NAA25: variants seen among roughly 807,000 people sequenced by gnomAD.
NAA25 encodes the protein N-alpha-acetyltransferase 25, NatB auxiliary subunit, also known as N-terminal acetyltransferase B complex subunit NAA25.
A neutral mutation model predicts 132.5 loss-of-function variants in NAA25; 30 were observed. The observed-to-expected ratio is 0.23, with a 90% CI of 0.17 to 0.31. NAA25 has a LOEUF of 0.31. Among genes scored for constraint, NAA25 ranks in the 10% least tolerant of loss-of-function variants. The probability of loss-of-function intolerance (pLI) is 1.00; values close to 1 mark genes in which losing one functional copy is unlikely to be tolerated. For missense variants in NAA25, 771 were observed against 1,150.4 expected, an observed-to-expected ratio of 0.67 and a Z score of 4.77; for synonymous variants, 359 against 401.9, an observed-to-expected ratio of 0.89 and a Z score of 1.28.
At chr12:112,064,968 A>C (rs959293828) in intron 11 of NAA25, among the ~76,000 whole-genome samples, 2 of 152,184 alleles carry the variant, frequency 1.3e-5, no homozygotes, top group African/African-American at 4.8e-5. Flanking sequence ...CAGGAGGTGG[A>C]GGTTGCAGTG....
chr12:112,105,323 G>A (rs906565908), intron 1 of NAA25, among the ~76,000 whole-genome samples: 4 of 152,104 alleles, frequency 2.6e-5, no homozygotes, highest in African/African-American at 9.7e-5. Flanking sequence ...AATAACGAAA[G>A]AAGGCACTGG....
chr12:112,059,265 T>C (rs1201344606), intron 13 of NAA25, among the ~76,000 whole-genome samples: 1 of 151,862 alleles, frequency 6.6e-6, no homozygotes, highest in Admixed American at 6.6e-5. Context: ...AGAACAAGAC[T>C]CCATCTCAAA....
chr12:112,100,660 C>T (rs564997954), intron 1 of NAA25, among the ~76,000 whole-genome samples: 46 of 125,128 alleles, frequency 3.7e-4, no homozygotes, highest in African/African-American at 1.4e-3. Context: ...TGCTCTGTTG[C>T]CCAGGCTGGA....
rs570861253 is a variant in NAA25, at chr12:112,086,802, G to A, written c.402+881C>T. On this transcript the variant is annotated intron_variant, in intron 4 of 23. Transcript: ENST00000261745. ...CGAGGCGGGCAGATCACCTGAGGTCGGGAGTTTGAGACCAGCCTGACCAAC... is the reference window on the plus strand; with the variant it reads ...CGAGGCGGGCAGATCACCTGAGGTCAGGAGTTTGAGACCAGCCTGACCAAC... Among the ~76,000 whole-genome samples the A allele has an allele frequency of 1.3e-4, 19 of 151,582 alleles. No homozygotes were observed. The East Asian group carries it at 1.6e-3, about 12-fold the overall frequency.
intron 10 of NAA25, among the ~76,000 whole-genome samples, chr12:112,070,190 GC>G (rs1263624004): frequency 6.6e-6 from 1 of 152,100 alleles, no homozygotes; most frequent in African/African-American, 2.4e-5. Flanking sequence ...AAGAATTACT[GC>G]TTTCTTTTAG....
intron 9 of NAA25, among the ~76,000 whole-genome samples, chr12:112,074,249 G>A (rs554918338): frequency 2.0e-5 from 3 of 148,108 alleles, no homozygotes; most frequent in Admixed American, 7.0e-5. Context: ...GCTGAGGCAG[G>A]AGAATCGCTT....
At chr12:112,043,012 TGA>T (rs1173349148) in intron 19 of NAA25, 74 bp downstream of exon 19, 2 of 1,412,168 alleles carry the variant, frequency 1.4e-6, no homozygotes, top group Admixed American at 2.3e-5. Flanking sequence ...TTTCCAGATG[TGA>T]GGTTATAGAC....
chr12:112,048,510 C>T, intron 15 of NAA25, 67 bp from the exon 16 acceptor site: 1 of 1,392,424 alleles, frequency 7.2e-7, no homozygotes, highest in Non-Finnish European at 1.0e-6. Flanking sequence ...CAAACCTTGC[C>T]AGCCAAAACA....
chr12:112,098,610 C>A (rs1566035529), intron 1 of NAA25, among the ~76,000 whole-genome samples: 3 of 152,084 alleles, frequency 2.0e-5, no homozygotes, highest in Non-Finnish European at 1.5e-5. Flanking sequence ...CAGGAGTCAG[C>A]CAAAATCAGC....
chr12:112,104,498 T>A (rs2079335209), intron 1 of NAA25, among the ~76,000 whole-genome samples: 1 of 152,138 alleles, frequency 6.6e-6, no homozygotes, highest in African/African-American at 2.4e-5. Context: ...TCTCCCTCCA[T>A]CCCTTCCCTT....
intron 11 of NAA25, among the ~76,000 whole-genome samples, chr12:112,064,773 G>A (rs1321424385): frequency 1.3e-5 from 2 of 152,160 alleles, no homozygotes; most frequent in East Asian, 1.9e-4. Context: ...AGTGGCTCAC[G>A]CCTGTAATAC....
chr12:112,086,157 A>G (rs1002968278), intron 4 of NAA25, among the ~76,000 whole-genome samples: 3 of 149,184 alleles, frequency 2.0e-5, no homozygotes, highest in African/African-American at 7.4e-5. Flanking sequence ...CTTTCAGTAA[A>G]TAAATTAACA....
chr12:112,071,622 G>T (rs1387112979), intron 10 of NAA25, among the ~76,000 whole-genome samples: 2 of 152,052 alleles, frequency 1.3e-5, no homozygotes, highest in Non-Finnish European at 2.9e-5. Flanking sequence ...GTGAGACACC[G>T]CAACCAGCTG....
chr12:112,065,948 C>G (rs940172447), intron 11 of NAA25, among the ~76,000 whole-genome samples: 9 of 152,172 alleles, frequency 5.9e-5, no homozygotes, highest in Non-Finnish European at 1.3e-4. Context: ...CAAAAAGTGG[C>G]AGCAAAATTA....
At chr12:112,053,899 C>T (rs2078506071) in intron 14 of NAA25, among the ~76,000 whole-genome samples, 1 of 147,356 alleles carries the variant, frequency 6.8e-6, no homozygotes, top group Non-Finnish European at 1.5e-5. Flanking sequence ...GGCTTTCTTA[C>T]ACTCTGATGA....
At chr12:112,034,876 GT>G (rs1466847629) in intron 22 of NAA25, 5 of 151,208 alleles carry the variant, frequency 3.3e-5, no homozygotes, top group Admixed American at 1.3e-4. Context: ...GAATCTGTCT[GT>G]ATCAATAGCA....
chr12:112,043,121 T>G lies in NAA25; in HGVS notation c.2341A>C (p.Asn781His), dbSNP rs778220176. ...CTGGTATCCAGCTCATAAATATCAT[T>G]GACAAGATAAAAAGAGCTTATCTGG... ...QCQISSFYLV[N>H]DIYELDTSGL... The change falls in exon 19 of 24, where the codon AAT (asparagine) becomes CAT (histidine). Residue 781 changes from asparagine to histidine, a missense_variant. Physicochemically the swap from Asn to His is moderately conservative, Grantham distance 68. Coordinates refer to ENST00000261745, the MANE Select transcript of NAA25 (RefSeq NM_024953.4). The G allele has an allele frequency of 6.2e-7, 1 of 1,612,822 alleles. No homozygotes were observed. Among genetic ancestry groups the G allele is most frequent in the East Asian group, 2.2e-5 (1 of 44,826 alleles).
At position 112,047,797 on chromosome 12, in the gene NAA25, T is replaced by C. The variant is rs774872676; in HGVS notation, c.1881-7A>G. 1 of 1,591,096 alleles carries C rather than the reference T, an allele frequency of 6.3e-7. No individual in the cohort carries two copies. The highest frequency in any genetic ancestry group is 1.9e-5 in the Admixed American group (1 of 53,758). On this transcript the variant is annotated splice_region_variant and splice_polypyrimidine_tract_variant and intron_variant, in intron 16 of 23. Transcript: ENST00000261745. Reference sequence around the variant, plus strand: ...TTCTGCTAAACTGGTTGATCTGTGATAGAGAAAAATCCACATATTATTTTA... The same window carrying C: ...TTCTGCTAAACTGGTTGATCTGTGACAGAGAAAAATCCACATATTATTTTA...
intron 10 of NAA25, among the ~76,000 whole-genome samples, chr12:112,071,352 G>A (rs2078805361): frequency 6.6e-6 from 1 of 151,766 alleles, no homozygotes; most frequent in Non-Finnish European, 1.5e-5. Flanking sequence ...TTAAATTTTT[G>A]AGACAGGTTC....
Sources: gnomAD v4.1 joint callset for allele counts (sites outside exome capture counted in the v4.1 genomes callset) on GRCh38, gnomAD v4.1.1 for gene constraint, MANE v1.5 for transcripts, NCBI Gene and HGNC (gene_info 2026-07-23, HGNC 2026-07-21) for gene names.